The following TNFRSF21 variants were observed in gnomAD, a reference collection of about 807,000 sequenced individuals.
The protein encoded by TNFRSF21 is tumor necrosis factor receptor superfamily member 21.
In TNFRSF21, 19 loss-of-function variants were observed where a neutral mutation model predicts 45.6. The ratio of observed to expected loss-of-function variants is 0.42; its 90% CI spans 0.29 to 0.61. The LOEUF (loss-of-function observed/expected upper bound fraction) is 0.61. Ranked by LOEUF, TNFRSF21 falls within the 20% of genes least tolerant of loss-of-function variation. TNFRSF21 has a pLI of 0.23. For missense variants in TNFRSF21, 737 were observed against 851.5 expected, an observed-to-expected ratio of 0.87 and a Z score of 1.67; for synonymous variants, 314 against 335.5, an observed-to-expected ratio of 0.94 and a Z score of 0.70.
rs551810220 is a variant in TNFRSF21, at chr6:47,232,068, C to T, written c.*697G>A. The T allele has an allele frequency of 1.3e-4, 20 of 152,556 alleles. No individual in the cohort carries two copies. Among genetic ancestry groups the T allele is most frequent in the Non-Finnish European group, 2.2e-4 (15 of 68,028 alleles). 9.5% of individuals were successfully genotyped at this position (152,556 alleles called of 1,614,324 possible). A position where few individuals can be genotyped will look rare whatever the true frequency, so the allele number is the denominator to read the frequency against. On this transcript the variant is annotated 3_prime_UTR_variant, in exon 6 of 6. Coordinates refer to ENST00000296861, the MANE Select transcript of TNFRSF21 (RefSeq NM_014452.5). ...TTAGCATAAGAAGAGTACAAGTAAT[C>T]AAGCATTCTACACGGTGTCCAGGTG...
chr6:47,290,561 G>T (rs150885956), intron 1 of TNFRSF21, among the ~76,000 whole-genome samples: 1 of 152,298 alleles, frequency 6.6e-6, no homozygotes, highest in African/African-American at 2.4e-5. Flanking sequence ...ACTGTAAGTG[G>T]ATTTTAGAGC....
intron 1 of TNFRSF21, among the ~76,000 whole-genome samples, chr6:47,303,025 A>C (rs937157628): frequency 2.6e-5 from 4 of 152,236 alleles, no homozygotes; most frequent in African/African-American, 9.6e-5. Flanking sequence ...TAGCAATATC[A>C]ATGATTAATA....
chr6:47,237,385 G>A (rs771202828), intron 4 of TNFRSF21, among the ~76,000 whole-genome samples: 3 of 152,194 alleles, frequency 2.0e-5, no homozygotes, highest in African/African-American at 4.8e-5. Flanking sequence ...ACCGTACTAG[G>A]CATTGTGTTA....
intron 1 of TNFRSF21, among the ~76,000 whole-genome samples, chr6:47,287,307 C>CAAAAAAAAA (rs1164380285): frequency 1.4e-4 from 3 of 20,878 alleles, no homozygotes; most frequent in East Asian, 1.9e-3. Context: ...AACTCTTTCT[C>CAAAAAAAAA]AAAAAAAAAA....
At chr6:47,307,983 C>T (rs13197003) in intron 1 of TNFRSF21, among the ~76,000 whole-genome samples, 2 of 152,160 alleles carry the variant, frequency 1.3e-5, no homozygotes, top group Non-Finnish European at 2.9e-5. Flanking sequence ...GTGTTTCTCT[C>T]CACACCAAGA....
intron 1 of TNFRSF21, among the ~76,000 whole-genome samples, chr6:47,291,584 A>G (rs1320151991): frequency 1.3e-5 from 2 of 152,200 alleles, no homozygotes; most frequent in African/African-American, 4.8e-5. Flanking sequence ...AATAGGACTT[A>G]AGAGAGCACT....
At chr6:47,247,522 C>T (rs929923843) in intron 4 of TNFRSF21, among the ~76,000 whole-genome samples, 1 of 152,234 alleles carries the variant, frequency 6.6e-6, no homozygotes, top group Non-Finnish European at 1.5e-5. Context: ...TTTGCTTCAA[C>T]TCGTCCTCAC....
Position 47,295,395 on chromosome 6 carries a change from C to CT in TNFRSF21, c.97-8801dup, listed in dbSNP as rs1205164922. Among the ~76,000 whole-genome samples the CT allele has an allele frequency of 5.3e-5, 8 of 152,304 alleles. No individual in the cohort carries two copies. In the South Asian group the frequency reaches 1.7e-3, roughly 32 times the overall value. On this transcript the variant is annotated intron_variant, in intron 1 of 5. Coordinates refer to ENST00000296861, the MANE Select transcript of TNFRSF21 (RefSeq NM_014452.5). ...TGAGCAAAGTCAAGGCGGAAATAAA[C>CT]TTTTTTTCTATTCATAAAGGGCAGG...
chr6:47,302,659 C>A (rs1364280538), intron 1 of TNFRSF21, among the ~76,000 whole-genome samples: 2 of 152,192 alleles, frequency 1.3e-5, no homozygotes, highest in Non-Finnish European at 2.9e-5. Context: ...AGCTAAACTT[C>A]CAAGCACCAT....
intron 3 of TNFRSF21, among the ~76,000 whole-genome samples, chr6:47,259,002 G>A (rs1765030675): frequency 1.3e-5 from 2 of 152,308 alleles, no homozygotes; most frequent in Admixed American, 1.3e-4. Context: ...ACCAGCCCCT[G>A]CAATTACAGC....
At chr6:47,269,432 A>C (rs1762381831) in intron 3 of TNFRSF21, among the ~76,000 whole-genome samples, 1 of 152,222 alleles carries the variant, frequency 6.6e-6, no homozygotes, top group African/African-American at 2.4e-5. Context: ...TAAGCAGCTG[A>C]ATAACAAGTC....
intron 4 of TNFRSF21, among the ~76,000 whole-genome samples, chr6:47,252,257 T>C (rs1255352194): frequency 6.6e-6 from 1 of 152,228 alleles, no homozygotes; most frequent in African/African-American, 2.4e-5. Context: ...CTAGCTCTTT[T>C]AGGTAACAAA....
At chr6:47,273,739 A>T (rs1162158995) in intron 3 of TNFRSF21, among the ~76,000 whole-genome samples, 2 of 152,208 alleles carry the variant, frequency 1.3e-5, no homozygotes, top group African/African-American at 4.8e-5. Context: ...TTTGCAGATG[A>T]CATGACCATA....
chr6:47,252,667 G>A (rs374845010), intron 4 of TNFRSF21, among the ~76,000 whole-genome samples: 2 of 152,156 alleles, frequency 1.3e-5, no homozygotes. Flanking sequence ...CAAATCCAGC[G>A]CTGTCTGGCT....
chr6:47,251,819 T>C (rs938831160), intron 4 of TNFRSF21, among the ~76,000 whole-genome samples: 1 of 152,202 alleles, frequency 6.6e-6, no homozygotes, highest in Non-Finnish European at 1.5e-5. Flanking sequence ...ATCCAGCTAC[T>C]TAAAGCCTAG....
chr6:47,305,268 G>A (rs1163207691), intron 1 of TNFRSF21, among the ~76,000 whole-genome samples: 1 of 152,108 alleles, frequency 6.6e-6, no homozygotes, highest in African/African-American at 2.4e-5. Flanking sequence ...CCACTGCCCA[G>A]AATAGTGCCT....
At chr6:47,241,972 G>A (rs1400975725) in intron 4 of TNFRSF21, among the ~76,000 whole-genome samples, 1 of 152,100 alleles carries the variant, frequency 6.6e-6, no homozygotes, top group Non-Finnish European at 1.5e-5. Flanking sequence ...AGTGGACAGC[G>A]AGGGCCATCT....
intron 4 of TNFRSF21, among the ~76,000 whole-genome samples, chr6:47,240,162 A>G (rs1764724528): frequency 1.3e-5 from 2 of 152,270 alleles, no homozygotes; most frequent in Admixed American, 1.3e-4. Context: ...ATATAACTAG[A>G]TATGCCTGAT....
intron 1 of TNFRSF21, among the ~76,000 whole-genome samples, chr6:47,293,329 C>G (rs1035724638): frequency 1.3e-5 from 2 of 152,178 alleles, no homozygotes. Flanking sequence ...CAGGGGTCAG[C>G]AAACTAAATC....
Sources: gnomAD v4.1 joint callset for allele counts (sites outside exome capture counted in the v4.1 genomes callset) on GRCh38, gnomAD v4.1.1 for gene constraint, MANE v1.5 for transcripts, NCBI Gene and HGNC (gene_info 2026-07-23, HGNC 2026-07-21) for gene names.